Variants in CAB39L observed in about 807,000 individuals in gnomAD.
CAB39L encodes the protein calcium-binding protein 39-like.
A neutral mutation model predicts 39.1 loss-of-function variants in CAB39L; 23 were observed. The observed-to-expected ratio is 0.59, with a 90% CI of 0.42 to 0.83. The LOEUF is 0.83. Among genes scored for constraint, CAB39L ranks in the 40% least tolerant of loss-of-function variants. CAB39L has a pLI of 0.00. For synonymous variants in CAB39L, 126 were observed against 137.2 expected, an observed-to-expected ratio of 0.92 and a Z score of 0.57; for missense variants, 366 against 391.9, an observed-to-expected ratio of 0.93 and a Z score of 0.56.
At chr13:49,411,909 G>C (rs1956998333) in intron 3 of CAB39L, among the ~76,000 whole-genome samples, 1 of 152,178 alleles carries the variant, frequency 6.6e-6, no homozygotes, top group Admixed American at 6.5e-5. Context: ...AGGTTGTTAG[G>C]GAGAAGGCAT....
chr13:49,346,562 G>A (rs1955184062), intron 7 of CAB39L, among the ~76,000 whole-genome samples: 1 of 152,052 alleles, frequency 6.6e-6, no homozygotes, highest in Non-Finnish European at 1.5e-5. Context: ...TATTTTTAAT[G>A]AATACTGCTT....
At chr13:49,329,544 A>AAAAAATAT (rs1555252274) in intron 10 of CAB39L, among the ~76,000 whole-genome samples, 1 of 33,836 alleles carries the variant, frequency 3.0e-5, no homozygotes, top group Non-Finnish European at 5.0e-5. Flanking sequence ...TAAAAAAAAA[A>AAAAAATAT]ATATATATAT....
intron 5 of CAB39L, among the ~76,000 whole-genome samples, chr13:49,367,151 C>A (rs1011123461): frequency 6.6e-6 from 1 of 152,026 alleles, no homozygotes; most frequent in Admixed American, 6.6e-5. Flanking sequence ...CATAGCAAGA[C>A]CCCATCTCTA....
rs746603549 is a variant in CAB39L at position 49,332,009 on chromosome 13, T to C, written c.772A>G (p.Met258Val). The change falls in exon 10 of 11, where the codon ATG becomes GTG. Residue 258 changes from methionine (M) to valine (V), a missense_variant. Transcript: ENST00000409308. ...CTTTTATCCCGAAGGAGGTTCATCA[T>C]GAGTTTCAGGTTCTCCGGCTTGCTG... is the stretch of plus-strand genomic sequence containing the variant. ...YISKPENLKL[M>V]MNLLRDKSPN... 7 of 1,614,058 alleles carry C rather than the reference T, an allele frequency of 4.3e-6. No individual in the cohort carries two copies. In the South Asian group the frequency reaches 6.6e-5, roughly 15 times the overall value.
intron 10 of CAB39L, among the ~76,000 whole-genome samples, chr13:49,313,907 A>C (rs890683253): frequency 2.6e-5 from 4 of 152,100 alleles, no homozygotes; most frequent in African/African-American, 9.7e-5. Flanking sequence ...CCACCCTAGC[A>C]AGTGTGGGGA....
At chr13:49,440,091 C>A (rs1007927383) in intron 1 of CAB39L, among the ~76,000 whole-genome samples, 1 of 151,928 alleles carries the variant, frequency 6.6e-6, no homozygotes, top group Admixed American at 6.6e-5. Context: ...TTAATTAGGT[C>A]CTACTTGTCA....
chr13:49,349,868 G>A (rs1217104866), intron 7 of CAB39L, among the ~76,000 whole-genome samples: 1 of 152,130 alleles, frequency 6.6e-6, no homozygotes, highest in African/African-American at 2.4e-5. Flanking sequence ...ATAAGCCTAA[G>A]TAACTGGTTT....
At chr13:49,376,891 G>GATAGATAGA (rs1956075612) in intron 5 of CAB39L, 76 bp downstream of exon 5, 4 of 787,250 alleles carry the variant, frequency 5.1e-6, no homozygotes, top group Non-Finnish European at 7.7e-6. Flanking sequence ...AAGTTGAATA[G>GATAGATAGA]TAGATAGATA....
At chr13:49,442,097 C>T (rs1957535208) in intron 1 of CAB39L, among the ~76,000 whole-genome samples, 1 of 151,960 alleles carries the variant, frequency 6.6e-6, no homozygotes, top group African/African-American at 2.4e-5. Flanking sequence ...TTTTAATTTG[C>T]ATTTTTCCAA....
Position 49,309,817 on chromosome 13 carries a change from A to C in CAB39L, c.*997T>G, listed in dbSNP as rs538823425. ...ATCTGATACAATGGCTCTGAAAAAA[A>C]TTTATTGATGGATCTGAGAATTTTT... On this transcript the variant is annotated 3_prime_UTR_variant, in exon 11 of 11. Transcript: ENST00000409308. 6.6e-6 allele frequency: 1 copy of C among 152,242 alleles called. No individual in the cohort carries two copies. The highest frequency in any genetic ancestry group is 1.5e-5 in the Non-Finnish European group (1 of 68,012). The allele number at this position is 152,242 out of a possible 1,614,324, so 9.4% of individuals were successfully genotyped here.
At chr13:49,339,801 G>T in intron 8 of CAB39L, 59 bp from the exon 9 acceptor site, 1 of 1,395,112 alleles carries the variant, frequency 7.2e-7, no homozygotes, top group South Asian at 1.8e-5. Context: ...TCCGTATTAG[G>T]CTGGCTTGCT....
intron 3 of CAB39L, among the ~76,000 whole-genome samples, chr13:49,404,175 A>T (rs1956828440): frequency 6.6e-6 from 1 of 152,194 alleles, no homozygotes; most frequent in Non-Finnish European, 1.5e-5. Flanking sequence ...AACTGTAGGC[A>T]GCTCAGCAAG....
intron 10 of CAB39L, among the ~76,000 whole-genome samples, chr13:49,313,358 G>A (rs1469761960): frequency 6.6e-6 from 1 of 152,094 alleles, no homozygotes; most frequent in African/African-American, 2.4e-5. Context: ...GCGGGCGCCT[G>A]TAGTCCCAGC....
intron 4 of CAB39L, among the ~76,000 whole-genome samples, chr13:49,382,296 AG>A (rs1272142430): frequency 2.0e-5 from 3 of 152,114 alleles, no homozygotes; most frequent in Non-Finnish European, 4.4e-5. Flanking sequence ...CTGGAATAGA[AG>A]GATACTATGA....
chr13:49,412,266 TTTAAAAACACAATGTTA>T (rs1957005538), intron 3 of CAB39L, among the ~76,000 whole-genome samples: 1 of 152,054 alleles, frequency 6.6e-6, no homozygotes, highest in South Asian at 2.1e-4. Flanking sequence ...CAAATCAGAA[TTTAAAAACACAATGTTA>T]ATTCTCCTTG....
chr13:49,440,949 G>A (rs940324135), intron 1 of CAB39L, among the ~76,000 whole-genome samples: 3 of 152,120 alleles, frequency 2.0e-5, no homozygotes, highest in Admixed American at 2.0e-4. Context: ...AAGAGAGATA[G>A]TCTGACTTCT....
chr13:49,398,396 G>A (rs1222061849), intron 3 of CAB39L, among the ~76,000 whole-genome samples: 1 of 151,824 alleles, frequency 6.6e-6, no homozygotes, highest in African/African-American at 2.4e-5. Context: ...TAATCTTTAA[G>A]CCACATTACG....
At chr13:49,354,774 A>C (rs1955443628) in intron 6 of CAB39L, among the ~76,000 whole-genome samples, 1 of 152,236 alleles carries the variant, frequency 6.6e-6, no homozygotes, top group Non-Finnish European at 1.5e-5. Context: ...TAATGACAGC[A>C]TAATGAAAAG....
chr13:49,336,886 G>A (rs1002431776), intron 9 of CAB39L, among the ~76,000 whole-genome samples: 3 of 152,178 alleles, frequency 2.0e-5, no homozygotes, highest in Admixed American at 6.5e-5. Flanking sequence ...AGAACACAGC[G>A]CTGAAGTCAC....
Sources: allele counts gnomAD v4.1 joint callset (sites outside exome capture counted in the v4.1 genomes callset), GRCh38; gene constraint gnomAD v4.1.1; transcripts MANE v1.5; gene names NCBI Gene and HGNC (gene_info 2026-07-23, HGNC 2026-07-21).